The following MDGA1 variants were observed in gnomAD, a reference collection of about 807,000 sequenced individuals.
MDGA1 encodes the protein MAM domain containing glycosylphosphatidylinositol anchor 1.
Under a neutral mutation model 101.5 loss-of-function variants are expected in MDGA1, and 54 were observed. The ratio of observed to expected loss-of-function variants is 0.53; its 90% CI spans 0.43 to 0.67. The LOEUF is 0.67. Ranked by LOEUF, MDGA1 falls within the 30% of genes least tolerant of loss-of-function variation. The pLI is 0.00. For synonymous variants in MDGA1, 533 were observed against 558.3 expected, an observed-to-expected ratio of 0.95 and a Z score of 0.64; for missense variants, 1,083 against 1,323.8, an observed-to-expected ratio of 0.82 and a Z score of 2.82.
At chr6:37,663,638 G>A (rs917649221) in intron 2 of MDGA1, among the ~76,000 whole-genome samples, 12 of 152,380 alleles carry the variant, frequency 7.9e-5, no homozygotes, top group African/African-American at 1.9e-4. Context: ...CTGGCACCGT[G>A]CCTGGCACAT....
At chr6:37,670,143 A>G (rs1243450312) in intron 1 of MDGA1, among the ~76,000 whole-genome samples, 1 of 152,202 alleles carries the variant, frequency 6.6e-6, no homozygotes, top group Non-Finnish European at 1.5e-5. Flanking sequence ...TAAAATAAGA[A>G]CAATGATGCC....
chr6:37,648,960 GC>G, intron 9 of MDGA1, 21 bp downstream of exon 9: 1 of 1,547,204 alleles, frequency 6.5e-7, no homozygotes, highest in Non-Finnish European at 8.7e-7. Context: ...GGTAGGTGGG[GC>G]GGGACCCACT....
intron 1 of MDGA1, among the ~76,000 whole-genome samples, chr6:37,677,267 C>A (rs1343621677): frequency 6.6e-6 from 1 of 152,188 alleles, no homozygotes; most frequent in African/African-American, 2.4e-5. Context: ...TTCCGTCACA[C>A]AACCCGGCAG....
At position 37,635,275 on chromosome 6, in the gene MDGA1, G is replaced by A; in HGVS notation, c.*2093C>T. The A allele has an allele frequency of 2.5e-6, 1 of 396,170 alleles. No individual in the cohort carries two copies. 24.5% of individuals were successfully genotyped at this position (396,170 alleles called of 1,614,324 possible). A position where few individuals can be genotyped will look rare whatever the true frequency, so the allele number is the denominator to read the frequency against. On this transcript the variant is annotated 3_prime_UTR_variant, in exon 17 of 17. Coordinates refer to ENST00000434837, the MANE Select transcript of MDGA1 (RefSeq NM_153487.4). ...ATCCATTCCACCGGGCAATGGAGTG[G>A]TTTCCACACCAGGCTCACTTGTGCT...
Position 37,678,492 on chromosome 6 carries a change from T to C in MDGA1, c.68-14386A>G, listed in dbSNP as rs78554165. On this transcript the variant is annotated intron_variant, in intron 1 of 16. Coordinates refer to ENST00000434837, the MANE Select transcript of MDGA1 (RefSeq NM_153487.4). ...GATCTCATCTCTCCTCTGCTCTCCCTGTCATGACTCCCATCCTACTTGGGG... is the reference window on the plus strand; with the variant it reads ...GATCTCATCTCTCCTCTGCTCTCCCCGTCATGACTCCCATCCTACTTGGGG... Among the ~76,000 whole-genome samples the C allele has an allele frequency of 6.6e-4, 100 of 152,270 alleles. 2 individuals carry two copies. The East Asian group carries it at 0.019, about 29-fold the overall frequency.
At chr6:37,646,927 A>C (rs1581849828) in intron 10 of MDGA1, among the ~76,000 whole-genome samples, 1 of 152,006 alleles carries the variant, frequency 6.6e-6, no homozygotes, top group Non-Finnish European at 1.5e-5. Context: ...AACCCAGCAG[A>C]CCCTTGCCTG....
chr6:37,645,850 A>C lies in MDGA1; in HGVS notation c.2248+83T>G, dbSNP rs1013966316. 2.7e-6 allele frequency: 4 copies of C among 1,494,320 alleles called. No homozygotes were observed. In the African/African-American group the frequency reaches 5.5e-5, roughly 21 times the overall value. 92.6% of individuals were successfully genotyped at this position (1,494,320 alleles called of 1,614,324 possible). A position where few individuals can be genotyped will look rare whatever the true frequency, so the allele number is the denominator to read the frequency against. On this transcript the variant is annotated intron_variant, in intron 12 of 16. Transcript: ENST00000434837. ...CATTTTCTCTCTGACTATCTCAAGG[A>C]TAGCCTATCTCCTTTCTCTCACCAG... is the stretch of plus-strand genomic sequence containing the variant.
At chr6:37,679,644 A>G (rs1235837386) in intron 1 of MDGA1, among the ~76,000 whole-genome samples, 1 of 152,090 alleles carries the variant, frequency 6.6e-6, no homozygotes, top group African/African-American at 2.4e-5. Flanking sequence ...TCAGCCAGTG[A>G]CAGCGGCAGC....
At chr6:37,688,789 A>C (rs1486397879) in intron 1 of MDGA1, among the ~76,000 whole-genome samples, 1 of 152,200 alleles carries the variant, frequency 6.6e-6, no homozygotes, top group Non-Finnish European at 1.5e-5. Context: ...TGCCTAAACC[A>C]GGCTTCACAT....
At position 37,655,903 on chromosome 6, in the gene MDGA1, G is replaced by T; in HGVS notation, c.383-7C>A. On this transcript the variant is annotated splice_polypyrimidine_tract_variant and splice_region_variant and intron_variant, in intron 3 of 16. Transcript: ENST00000434837. This position sits in a 1 kb window ranked among gnomAD's most constrained non-coding sequence, Gnocchi z 5.1. ...AGCATTGGCTCATCCAGGTCTGCAAGGGCACAGCCCCCATGGAGTCAGGAC... is the reference window on the plus strand; with the variant it reads ...AGCATTGGCTCATCCAGGTCTGCAATGGCACAGCCCCCATGGAGTCAGGAC... The T allele has an allele frequency of 6.2e-7, 1 of 1,609,286 alleles. No homozygotes were observed. Among genetic ancestry groups the T allele is most frequent in the Non-Finnish European group, 8.5e-7 (1 of 1,177,766 alleles).
Position 37,635,352 on chromosome 6 carries a change from G to A in MDGA1, c.*2016C>T. 1 of 397,986 alleles carries A rather than the reference G, an allele frequency of 2.5e-6. No homozygotes were observed. Among genetic ancestry groups the A allele is most frequent in the Non-Finnish European group, 4.4e-6 (1 of 226,170 alleles). 24.7% of individuals were successfully genotyped at this position (397,986 alleles called of 1,614,324 possible). A position where few individuals can be genotyped will look rare whatever the true frequency, so the allele number is the denominator to read the frequency against. On this transcript the variant is annotated 3_prime_UTR_variant, in exon 17 of 17. Transcript: ENST00000434837. Reference sequence around the variant, plus strand: ...GGAGGGGGGACTTGGAAGGCTCAGAGGAGGAGCTCACAGTCTAGTTGGGGC... The same window carrying A: ...GGAGGGGGGACTTGGAAGGCTCAGAAGAGGAGCTCACAGTCTAGTTGGGGC...
chr6:37,649,139 C>T lies in MDGA1; in HGVS notation c.1737G>A (p.Gly579=), dbSNP rs1761295732. Residue 579 remains glycine (G), a synonymous_variant, in exon 9 of 17, where the codon GGG becomes GGA. Coordinates refer to ENST00000434837, the MANE Select transcript of MDGA1 (RefSeq NM_153487.4). ...RIASAVWRFK[G]QLLPPPPVVP... ...CAACAGGCGGCGGCGGCAGCAGCTGCCCTTTGAAACGCCACACAGCCGAGG... is the reference window on the plus strand; with the variant it reads ...CAACAGGCGGCGGCGGCAGCAGCTGTCCTTTGAAACGCCACACAGCCGAGG... 5.3e-6 allele frequency: 8 copies of T among 1,511,530 alleles called. No individual in the cohort carries two copies. The South Asian group carries it at 8.6e-5, about 16-fold the overall frequency. The allele number at this position is 1,511,530 out of a possible 1,614,324, so 93.6% of individuals were successfully genotyped here.
rs755814937 is a variant in MDGA1, at chr6:37,650,191, G to C, written c.1527C>G (p.Ser509Arg). The change falls in exon 8 of 17, where the codon AGC becomes AGG. Residue 509 changes from serine (S) to arginine (R), a missense_variant. By Grantham distance (110) the Ser-to-Arg change is moderately radical (BLOSUM62 -1). Transcript: ENST00000434837. Reference sequence around the variant, plus strand: ...GGGCCGTCTGGCAGCGGTAGGTCCCGCTCATGTCTCGGCTCACTCGCTCCA... The same window carrying C: ...GGGCCGTCTGGCAGCGGTAGGTCCCCCTCATGTCTCGGCTCACTCGCTCCA... ...LRLERVSRDM[S>R]GTYRCQTARY... The C allele has an allele frequency of 1.9e-6, 3 of 1,613,208 alleles. No homozygotes were observed. In the Admixed American group the frequency reaches 5.0e-5, roughly 27 times the overall value.
chr6:37,677,431 C>G (rs116173826), intron 1 of MDGA1, among the ~76,000 whole-genome samples: 1 of 152,126 alleles, frequency 6.6e-6, no homozygotes, highest in African/African-American at 2.4e-5. Flanking sequence ...GAAATTGGCT[C>G]CTACCCAAAT....
At chr6:37,659,744 T>C (rs1407787110) in intron 2 of MDGA1, among the ~76,000 whole-genome samples, 1 of 152,156 alleles carries the variant, frequency 6.6e-6, no homozygotes, top group Non-Finnish European at 1.5e-5. Flanking sequence ...ACAGTGTTGC[T>C]GCTCTCATCC....
At chr6:37,656,434 G>A (rs550965177) in intron 3 of MDGA1, among the ~76,000 whole-genome samples, 85 of 151,346 alleles carry the variant, frequency 5.6e-4, no homozygotes, top group Non-Finnish European at 1.1e-3. Flanking sequence ...GGGGAATGGC[G>A]CAATCATCGC....
At chr6:37,646,153 C>T in intron 11 of MDGA1, 45 bp downstream of exon 11, 1 of 1,554,740 alleles carries the variant, frequency 6.4e-7, no homozygotes. Context: ...GGGTCCCTGG[C>T]CATGAGATGG....
chr6:37,660,331 T>A (rs190080289), intron 2 of MDGA1, among the ~76,000 whole-genome samples: 4 of 152,192 alleles, frequency 2.6e-5, no homozygotes, highest in Admixed American at 2.0e-4. Context: ...TCTCTTTAAA[T>A]ATTGCCTCCT....
intron 1 of MDGA1, among the ~76,000 whole-genome samples, chr6:37,693,148 T>G (rs1465679744): frequency 6.6e-6 from 1 of 152,196 alleles, no homozygotes; most frequent in Non-Finnish European, 1.5e-5. Flanking sequence ...AGCACGGAGC[T>G]TCTCGAGGAC....
Sources: allele counts gnomAD v4.1 joint callset (sites outside exome capture counted in the v4.1 genomes callset), GRCh38; gene constraint gnomAD v4.1.1; non-coding constraint Gnocchi (gnomAD v3.1); transcripts MANE v1.5; gene names NCBI Gene and HGNC (gene_info 2026-07-23, HGNC 2026-07-21).